The following SMTN variants were observed in gnomAD, a reference collection of about 807,000 sequenced individuals.
SMTN encodes the protein smoothelin.
In SMTN, 58 loss-of-function variants were observed where a neutral mutation model predicts 102.0. The observed-to-expected ratio is 0.57, with a 90% CI of 0.46 to 0.71. SMTN has a LOEUF of 0.71. Ranked by LOEUF, SMTN falls within the 30% of genes least tolerant of loss-of-function variation. SMTN has a pLI of 0.00. For synonymous variants in SMTN, 478 were observed against 497.9 expected (o/e 0.96, Z 0.53); for missense variants, 1,185 against 1,241.7 (o/e 0.95, Z 0.69).
At position 31,098,822 on chromosome 22, in the gene SMTN, A is replaced by G; in HGVS notation, c.2315A>G (p.Glu772Gly). The G allele has an allele frequency of 3.1e-6, 5 of 1,610,376 alleles. No individual in the cohort carries two copies. Among genetic ancestry groups the G allele is most frequent in the South Asian group, 1.1e-5 (1 of 90,892 alleles). Residue 772 changes from glutamate (E) to glycine (G), a missense_variant, in exon 17 of 21, where the codon GAG becomes GGG. Glu to Gly is a moderately conservative substitution (Grantham distance 98, BLOSUM62 -2). Transcript: ENST00000333137. ...CGCAAGGCCATGATTGAGAAGCTGG[A>G]GAAGGAGGGCGCGGCCGGGTGAGCT... The part of the protein sequence containing the change: ...QARKAMIEKL[E>G]KEGAAGSPGG...
chr22:31,083,376 G>T, intron 2 of SMTN, 67 bp downstream of exon 2: 1 of 1,463,746 alleles, frequency 6.8e-7, no homozygotes, highest in Admixed American at 2.5e-5. Context: ...TCAATCCAGG[G>T]TACCTCTCAG....
At position 31,104,520 on chromosome 22, in the gene SMTN, C is replaced by G; in HGVS notation, c.*225C>G. ...CAAGCTGCCGCCCCCACTCTCCGGG[C>G]ACCGTCTCCTGCCTGTGCGTCCGCC... On this transcript the variant is annotated 3_prime_UTR_variant, in exon 21 of 21. Coordinates refer to ENST00000333137, the MANE Select transcript of SMTN (RefSeq NM_134269.3). 15 of 1,589,544 alleles carry G rather than the reference C, an allele frequency of 9.4e-6. No homozygotes were observed. Among genetic ancestry groups the G allele is most frequent in the Non-Finnish European group, 1.3e-5 (15 of 1,167,406 alleles).
At chr22:31,074,807 A>AC (rs1328803348) in intron 1 of SMTN, among the ~76,000 whole-genome samples, 3 of 94,730 alleles carry the variant, frequency 3.2e-5, no homozygotes, top group African/African-American at 2.0e-4. Context: ...AAAAACAACA[A>AC]AAACAACAAC....
chr22:31,101,357 C>A, intron 20 of SMTN: 1 of 296,354 alleles, frequency 3.4e-6, no homozygotes, highest in Non-Finnish European at 6.4e-6. Context: ...CAAGTTCAGG[C>A]TAAAGGAGGG....
At chr22:31,065,400 G>A (rs2041822774) in intron 1 of SMTN, 1 of 152,116 alleles carries the variant, frequency 6.6e-6, no homozygotes, top group Non-Finnish European at 1.5e-5. Context: ...CCAGGGTGGA[G>A]TGCAGTGGTG....
intron 1 of SMTN, among the ~76,000 whole-genome samples, chr22:31,072,997 TTCTCTCTC>T (rs199956191): frequency 1.0e-4 from 14 of 137,446 alleles, no homozygotes; most frequent in African/African-American, 3.1e-4. Context: ...CTGAAGTTGA[TTCTCTCTC>T]TCTCTCTTTT....
chr22:31,083,480 T>A, intron 2 of SMTN, 171 bp downstream of exon 2: 3 of 779,676 alleles, frequency 3.8e-6, no homozygotes, highest in Non-Finnish European at 5.9e-6. Flanking sequence ...GAGGCCCTTG[T>A]GGCATGTGCC....
chr22:31,069,311 G>A (rs1021300292), intron 1 of SMTN, among the ~76,000 whole-genome samples: 15 of 152,070 alleles, frequency 9.9e-5, no homozygotes, highest in African/African-American at 3.6e-4. Flanking sequence ...AAATTCAGGC[G>A]CCCCGCTGGG....
chr22:31,090,258 G>T, intron 8 of SMTN, 78 bp downstream of exon 8: 1 of 1,237,550 alleles, frequency 8.1e-7, no homozygotes, highest in Admixed American at 2.3e-5. Context: ...TAGAAAATGG[G>T]CTCTTGTGCC....
At chr22:31,071,221 C>CA (rs2041990481) in intron 1 of SMTN, among the ~76,000 whole-genome samples, 1 of 139,562 alleles carries the variant, frequency 7.2e-6, no homozygotes, top group East Asian at 2.1e-4. Flanking sequence ...ACCTGTGCAA[C>CA]AGAGCTACAC....
chr22:31,090,021 T>G lies in SMTN; in HGVS notation c.792+2T>G, dbSNP rs1271229205. On this transcript the variant is annotated splice_donor_variant, in intron 7 of 20. Transcript: ENST00000333137. LOFTEE classifies it high-confidence loss of function. ...ACTGAGGGCCAGGTGGTCAACAAGG[T>G]GAGTCTGGATGAGGGGCAGGGATGC... 1 of 1,608,476 alleles carries G rather than the reference T, an allele frequency of 6.2e-7. No individual in the cohort carries two copies.
chr22:31,068,130 C>T (rs2041905652), intron 1 of SMTN: 1 of 152,014 alleles, frequency 6.6e-6, no homozygotes, highest in Non-Finnish European at 1.5e-5. Context: ...ATGGTGAAAC[C>T]CCATCTCTAC....
chr22:31,092,247 G>T (rs111255150), intron 11 of SMTN, among the ~76,000 whole-genome samples: 1 of 152,154 alleles, frequency 6.6e-6, no homozygotes, highest in Non-Finnish European at 1.5e-5. Flanking sequence ...CATCAGCCCC[G>T]AGGTATAGAG....
chr22:31,091,215 C>A lies in SMTN; in HGVS notation c.1192C>A (p.Arg398=), dbSNP rs750084959. ...DTSSRFSKEQ[R]GVAQPLAQLR... is the part of the protein sequence containing the mutation. Reference sequence around the variant, plus strand: ...CTCCTCCCGGTTCAGCAAGGAGCAACGAGGAGTAGCCCAGCCCCTGGCCCA... The same window carrying A: ...CTCCTCCCGGTTCAGCAAGGAGCAAAGAGGAGTAGCCCAGCCCCTGGCCCA... The change falls in exon 10 of 21, where the codon CGA becomes AGA. Residue 398 remains arginine, a synonymous_variant. Transcript: ENST00000333137. The A allele has an allele frequency of 6.2e-7, 1 of 1,611,820 alleles. No individual in the cohort carries two copies. Among genetic ancestry groups the A allele is most frequent in the East Asian group, 2.2e-5 (1 of 44,772 alleles).
At position 31,091,220 on chromosome 22, in the gene SMTN, A is replaced by G. The variant is rs760295403; in HGVS notation, c.1197A>G (p.Gly399=). The G allele has an allele frequency of 1.2e-6, 2 of 1,611,272 alleles. No individual in the cohort carries two copies. The highest frequency in any genetic ancestry group is 1.7e-6 in the Non-Finnish European group (2 of 1,179,090). Residue 399 remains glycine (G), a synonymous_variant, in exon 10 of 21, where the codon GGA becomes GGG. Coordinates refer to ENST00000333137, the MANE Select transcript of SMTN (RefSeq NM_134269.3). ...CCCGGTTCAGCAAGGAGCAACGAGG[A>G]GTAGCCCAGCCCCTGGCCCAGCTTC... ...TSSRFSKEQR[G]VAQPLAQLRS...
At chr22:31,076,445 A>T (rs1354289238), upstream of SMTN, among the ~76,000 whole-genome samples, 3 of 152,164 alleles carry the variant, frequency 2.0e-5, no homozygotes, top group Non-Finnish European at 2.9e-5. Flanking sequence ...TACCACCAAC[A>T]TGCAGTGTCA....
intron 1 of SMTN, chr22:31,064,689 A>T (rs2041801316): frequency 6.6e-6 from 1 of 152,144 alleles, no homozygotes; most frequent in Non-Finnish European, 1.5e-5. Flanking sequence ...TAATTCATAT[A>T]TAAATTATAT....
At chr22:31,089,070 GC>G in intron 6 of SMTN, 101 bp downstream of exon 6, 1 of 896,620 alleles carries the variant, frequency 1.1e-6, no homozygotes, top group Non-Finnish European at 1.7e-6. Context: ...ACTGTAAGGG[GC>G]CCACCCCTGC....
chr22:31,071,107 G>T (rs1456442130), intron 1 of SMTN, among the ~76,000 whole-genome samples: 1 of 151,876 alleles, frequency 6.6e-6, no homozygotes, highest in Non-Finnish European at 1.5e-5. Context: ...AGACATGGTG[G>T]TGTGTGCCTG....
Sources: allele counts gnomAD v4.1 joint callset (sites outside exome capture counted in the v4.1 genomes callset), GRCh38; gene constraint gnomAD v4.1.1; transcripts MANE v1.5; gene names NCBI Gene and HGNC (gene_info 2026-07-23, HGNC 2026-07-21).